TTLL5: variants seen among roughly 807,000 people sequenced by gnomAD.
TTLL5 encodes tubulin tyrosine ligase like 5, also known as tubulin polyglutamylase TTLL5.
In TTLL5, 132 loss-of-function variants were observed where a neutral mutation model predicts 168.4. The observed-to-expected ratio is 0.78, with a 90% confidence interval of 0.68 to 0.91. The LOEUF is 0.91. TTLL5 is among the 40% of genes least tolerant of loss of function. The pLI is 0.00. For synonymous variants in TTLL5, 546 were observed against 558.6 expected, an observed-to-expected ratio of 0.98 and a Z score of 0.32; for missense variants, 1,545 against 1,581.5, an observed-to-expected ratio of 0.98 and a Z score of 0.39.
At position 75,699,410 on chromosome 14, in the gene TTLL5, G is replaced by T. The variant is rs186134943; in HGVS notation, c.585+140G>T. ...ATCTGCATTCAGAAGTGAGTTAAGC[G>T]TAGGTATAACTTGACTTGTTTGCCT... On this transcript the variant is annotated intron_variant, in intron 7 of 31. Transcript: ENST00000298832. The T allele has an allele frequency of 2.8e-5, 22 of 779,070 alleles. No individual in the cohort carries two copies. In the African/African-American group the frequency reaches 3.4e-4, roughly 12 times the overall value. The allele number at this position is 779,070 out of a possible 1,614,324, so 48.3% of individuals were successfully genotyped here. A position where few individuals can be genotyped will look rare whatever the true frequency, so the allele number is the denominator to read the frequency against.
In TTLL5 at chr14:75,954,508, C is replaced by T. The variant is rs1014576481; in HGVS notation, c.*62C>T. The T allele has an allele frequency of 6.3e-7, 1 of 1,579,990 alleles. No homozygotes were observed. The highest frequency in any genetic ancestry group is 8.7e-7 in the Non-Finnish European group (1 of 1,150,400). On this transcript the variant is annotated 3_prime_UTR_variant, in exon 32 of 32. Coordinates refer to ENST00000298832, the MANE Select transcript of TTLL5 (RefSeq NM_015072.5). ...CCTGGGTGCATGATTGAGGGTGAAG[C>T]ATCCACCAGCACTTCAAGGGGTCCA...
At chr14:75,837,757 A>G (rs1895949735) in intron 28 of TTLL5, among the ~76,000 whole-genome samples, 1 of 152,180 alleles carries the variant, frequency 6.6e-6, no homozygotes, top group South Asian at 2.1e-4. Flanking sequence ...TATCTATGTT[A>G]TAATGTGTCA....
chr14:75,680,857 C>T (rs1445422619), intron 3 of TTLL5, among the ~76,000 whole-genome samples: 1 of 151,978 alleles, frequency 6.6e-6, no homozygotes, highest in Non-Finnish European at 1.5e-5. Context: ...GAATTCCTGA[C>T]CTCAGGTGAT....
At chr14:75,844,993 C>T (rs902825290) in intron 28 of TTLL5, among the ~76,000 whole-genome samples, 1 of 152,174 alleles carries the variant, frequency 6.6e-6, no homozygotes, top group East Asian at 1.9e-4. Flanking sequence ...TCCTATTGTT[C>T]CCTGTTCTTT....
At chr14:75,702,639 A>T (rs1433980002) in intron 7 of TTLL5, among the ~76,000 whole-genome samples, 1 of 145,370 alleles carries the variant, frequency 6.9e-6, no homozygotes, top group Non-Finnish European at 1.5e-5. Flanking sequence ...TCTTCCCTGG[A>T]TGCCGAATCT....
intron 28 of TTLL5, among the ~76,000 whole-genome samples, chr14:75,850,942 A>G (rs1896814817): frequency 6.6e-6 from 1 of 151,960 alleles, no homozygotes; most frequent in Admixed American, 6.6e-5. Context: ...AAGAAATAAA[A>G]AATTAGCCAG....
chr14:75,843,112 G>A (rs1896347230), intron 28 of TTLL5, among the ~76,000 whole-genome samples: 1 of 152,188 alleles, frequency 6.6e-6, no homozygotes, highest in African/African-American at 2.4e-5. Flanking sequence ...TGTCCTGAGA[G>A]GAACTTGAAA....
chr14:75,817,994 C>T (rs897140004), intron 27 of TTLL5, among the ~76,000 whole-genome samples: 7 of 151,516 alleles, frequency 4.6e-5, no homozygotes, highest in Non-Finnish European at 8.8e-5. Context: ...CCCGCCACCA[C>T]GCCCAGCTAA....
chr14:75,823,583 T>G (rs1335147024), intron 28 of TTLL5, among the ~76,000 whole-genome samples: 1 of 152,208 alleles, frequency 6.6e-6, no homozygotes, highest in Non-Finnish European at 1.5e-5. Context: ...CCTGCCCCTT[T>G]GTATGTTTTT....
At position 75,766,352 on chromosome 14, in the gene TTLL5, G is replaced by A. The variant is rs867380427; in HGVS notation, c.1999G>A (p.Asp667Asn). ...ATTTAACCTGATGCAGATTCTTCAAGATAATGGCAATCTTAGGTATGTATC... is the reference window on the plus strand; with the variant it reads ...ATTTAACCTGATGCAGATTCTTCAAAATAATGGCAATCTTAGGTATGTATC... ...PKFNLMQILQ[D>N]NGNLSKMQAR... Residue 667 changes from aspartate to asparagine, a missense_variant, in exon 20 of 32, where the codon GAT becomes AAT. By Grantham distance (23) the Asp-to-Asn change is conservative (BLOSUM62 1). Transcript: ENST00000298832. The A allele has an allele frequency of 6.2e-7, 1 of 1,610,488 alleles. No homozygotes were observed. Among genetic ancestry groups the A allele is most frequent in the African/African-American group, 1.3e-5 (1 of 74,768 alleles).
chr14:75,949,762 A>G (rs1291837670), intron 31 of TTLL5, among the ~76,000 whole-genome samples: 2 of 151,776 alleles, frequency 1.3e-5, no homozygotes, highest in Non-Finnish European at 2.9e-5. Flanking sequence ...AGGCACGAGA[A>G]TCGCTTGAAC....
At chr14:75,818,654 ATTTT>A (rs34861864) in intron 27 of TTLL5, 63 of 143,114 alleles carry the variant, frequency 4.4e-4, no homozygotes, top group South Asian at 1.2e-3. Context: ...CGCCTGGCTA[ATTTT>A]TTTTTTTTTT....
chr14:75,799,490 C>T (rs1052002258), intron 27 of TTLL5, among the ~76,000 whole-genome samples: 5 of 152,114 alleles, frequency 3.3e-5, no homozygotes, highest in Non-Finnish European at 5.9e-5. Context: ...ATGTGAGGCA[C>T]TATTCTGTTC....
chr14:75,939,307 G>A (rs974164928), intron 31 of TTLL5, among the ~76,000 whole-genome samples: 1 of 152,224 alleles, frequency 6.6e-6, no homozygotes, highest in Non-Finnish European at 1.5e-5. Context: ...GGCAATGTGA[G>A]ATGTACTTTT....
intron 7 of TTLL5, 30 bp from the exon 8 acceptor site, chr14:75,706,988 A>T (rs1282202257): frequency 6.5e-7 from 1 of 1,534,090 alleles, no homozygotes; most frequent in Non-Finnish European, 9.0e-7. Context: ...GTGTATTTCT[A>T]TTCTTTCATT....
rs906596477 is a variant in TTLL5, at chr14:75,749,133, T to TTA, written c.1487+3562_1487+3563dup. On this transcript the variant is annotated intron_variant, in intron 17 of 31. Coordinates refer to ENST00000298832, the MANE Select transcript of TTLL5 (RefSeq NM_015072.5). ...AATATTACATGGGTTTTCTTGAAAA[T>TTA]TATATATATATGTATATCTTTTGAA... 1.1e-4 allele frequency among the ~76,000 whole-genome samples: 16 copies of TTA among 152,164 alleles called. 1 individual carries two copies. The highest frequency in any genetic ancestry group is 7.2e-4 in the Admixed American group (11 of 15,282).
At chr14:75,928,880 G>A (rs575791824) in intron 31 of TTLL5, among the ~76,000 whole-genome samples, 2 of 152,262 alleles carry the variant, frequency 1.3e-5, no homozygotes, top group South Asian at 4.2e-4. Context: ...AAGGGTGGGG[G>A]CAGGATTGTG....
chr14:75,903,714 A>G (rs2033022838), intron 31 of TTLL5, among the ~76,000 whole-genome samples: 1 of 151,236 alleles, frequency 6.6e-6, no homozygotes, highest in African/African-American at 2.4e-5. Flanking sequence ...ACAAAGTGAG[A>G]CCCTATCTCT....
intron 7 of TTLL5, among the ~76,000 whole-genome samples, chr14:75,704,384 C>T (rs945873932): frequency 6.6e-6 from 1 of 152,010 alleles, no homozygotes; most frequent in Admixed American, 6.6e-5. Context: ...ACTAAAAATA[C>T]AAAAATTAGC....
Sources: allele counts gnomAD v4.1 joint callset (sites outside exome capture counted in the v4.1 genomes callset), GRCh38; gene constraint gnomAD v4.1.1; transcripts MANE v1.5; gene names NCBI Gene and HGNC (gene_info 2026-07-23, HGNC 2026-07-21).